The following SIK3 variants were observed in gnomAD, a reference collection of about 807,000 sequenced individuals.
SIK3 encodes the protein SIK family kinase 3, also known as serine/threonine-protein kinase SIK3.
In SIK3, 28 loss-of-function variants were observed where a neutral mutation model predicts 144.2. That is an observed-to-expected ratio of 0.19 (90% CI 0.14 to 0.27). The LOEUF is 0.27. Among genes scored for constraint, SIK3 ranks in the 10% least tolerant of loss-of-function variants. The probability of loss-of-function intolerance (pLI) is 1.00; values close to 1 mark genes in which losing one functional copy is unlikely to be tolerated. For missense variants in SIK3, 1,319 were observed against 1,776.0 expected, an observed-to-expected ratio of 0.74 and a Z score of 4.62; for synonymous variants, 686 against 676.3, an observed-to-expected ratio of 1.01 and a Z score of -0.22.
intron 1 of SIK3, among the ~76,000 whole-genome samples, chr11:117,055,765 A>G (rs564481492): frequency 6.6e-6 from 1 of 152,370 alleles, no homozygotes; most frequent in East Asian, 1.9e-4. Flanking sequence ...GACATCATTA[A>G]GTCATGAGGG....
At chr11:117,067,715 G>A (rs991525137) in intron 1 of SIK3, among the ~76,000 whole-genome samples, 4 of 152,144 alleles carry the variant, frequency 2.6e-5, no homozygotes, top group Admixed American at 6.5e-5. Context: ...GGCCAGGCAC[G>A]GTGGCTCATG....
chr11:117,015,726 T>G (rs1049659160), intron 1 of SIK3, among the ~76,000 whole-genome samples: 1 of 152,106 alleles, frequency 6.6e-6, no homozygotes, highest in Non-Finnish European at 1.5e-5. Context: ...TGTGCCACCA[T>G]GCCCAGCTAA....
chr11:116,883,632 T>C (rs1180225492), intron 6 of SIK3, among the ~76,000 whole-genome samples: 1 of 152,118 alleles, frequency 6.6e-6, no homozygotes, highest in Non-Finnish European at 1.5e-5. Flanking sequence ...AGACAAATGG[T>C]CCTCAAAATA....
At chr11:117,024,318 A>T (rs1384320414) in intron 1 of SIK3, among the ~76,000 whole-genome samples, 1 of 85,342 alleles carries the variant, frequency 1.2e-5, no homozygotes, top group Non-Finnish European at 2.1e-5. Flanking sequence ...CACAGTCTTT[A>T]AAAAAAAAAA....
chr11:117,096,761 G>A (rs1312321695), intron 1 of SIK3, among the ~76,000 whole-genome samples: 1 of 152,130 alleles, frequency 6.6e-6, no homozygotes. Context: ...GGTGGGGAAG[G>A]AACTTCAGGT....
At chr11:116,939,431 C>G (rs1000357086) in intron 3 of SIK3, among the ~76,000 whole-genome samples, 1 of 152,234 alleles carries the variant, frequency 6.6e-6, no homozygotes, top group African/African-American at 2.4e-5. Flanking sequence ...CAGGTGTGAG[C>G]CACCAAGCCC....
chr11:116,938,057 T>C (rs1460572716), intron 3 of SIK3, among the ~76,000 whole-genome samples: 2 of 151,552 alleles, frequency 1.3e-5, no homozygotes, highest in Non-Finnish European at 2.9e-5. Flanking sequence ...ATACAAAAAT[T>C]AGCTGGGCAT....
intron 6 of SIK3, among the ~76,000 whole-genome samples, chr11:116,884,343 C>T (rs1185082097): frequency 7.4e-6 from 1 of 135,982 alleles, no homozygotes; most frequent in African/African-American, 2.8e-5. Context: ...CACACCACCA[C>T]ATCTGGCTTT....
At chr11:116,999,883 T>C (rs1270191673) in intron 1 of SIK3, among the ~76,000 whole-genome samples, 2 of 152,230 alleles carry the variant, frequency 1.3e-5, no homozygotes, top group Non-Finnish European at 2.9e-5. Flanking sequence ...TGATACATTA[T>C]TGAGACATAC....
intron 1 of SIK3, among the ~76,000 whole-genome samples, chr11:116,994,815 C>T (rs938205902): frequency 1.1e-4 from 16 of 152,152 alleles, no homozygotes; most frequent in Non-Finnish European, 2.9e-5. Flanking sequence ...TTAATACCAA[C>T]CCCAAAACAA....
At chr11:116,969,289 C>CAAAAAAA (rs60102923) in intron 1 of SIK3, among the ~76,000 whole-genome samples, 2 of 73,574 alleles carry the variant, frequency 2.7e-5, no homozygotes, top group East Asian at 4.2e-4. Flanking sequence ...GACTCCGTCT[C>CAAAAAAA]AAAAAAAAAA....
intron 1 of SIK3, among the ~76,000 whole-genome samples, chr11:117,022,460 C>T (rs1951820034): frequency 6.6e-6 from 1 of 152,140 alleles, no homozygotes; most frequent in South Asian, 2.1e-4. Flanking sequence ...ATATTCTTTC[C>T]TTTGGTCTAC....
chr11:116,861,818 G>GCACAA, intron 18 of SIK3, 23 bp downstream of exon 18: 6 of 1,538,976 alleles, frequency 3.9e-6, no homozygotes, highest in Non-Finnish European at 5.4e-6. Context: ...AATGGCTTAG[G>GCACAA]CACAACACAA....
intron 1 of SIK3, among the ~76,000 whole-genome samples, 163 bp from the exon 2 acceptor site, chr11:116,957,227 T>A (rs572560537): frequency 5.9e-5 from 9 of 152,318 alleles, no homozygotes; most frequent in African/African-American, 2.2e-4. Flanking sequence ...TTTAAAAAGA[T>A]AGGAAATGGA....
rs188834315 is a variant in SIK3 at position 116,888,185 on chromosome 11, T to A, written c.865+8068A>T. Among the ~76,000 whole-genome samples the A allele has an allele frequency of 2.0e-4, 30 of 152,350 alleles. No individual in the cohort carries two copies. In the East Asian group the frequency reaches 3.9e-3, roughly 20 times the overall value. Reference sequence around the variant, plus strand: ...TGATCATTTAGAACACTATACCAGCTCTGCTGGAGTTTCTAGACCCTTCAG... The same window carrying A: ...TGATCATTTAGAACACTATACCAGCACTGCTGGAGTTTCTAGACCCTTCAG... On this transcript the variant is annotated intron_variant, in intron 6 of 24. Coordinates refer to ENST00000445177, the MANE Select transcript of SIK3 (RefSeq NM_001366686.3).
intron 21 of SIK3, among the ~76,000 whole-genome samples, chr11:116,854,334 C>T (rs1942699375): frequency 6.6e-6 from 1 of 152,236 alleles, no homozygotes; most frequent in Admixed American, 6.5e-5. Flanking sequence ...TGCACTCTAG[C>T]CTAGGTGACA....
intron 1 of SIK3, among the ~76,000 whole-genome samples, chr11:117,079,605 A>G (rs1272930535): frequency 3.3e-5 from 5 of 152,154 alleles, no homozygotes; most frequent in South Asian, 4.1e-4. Context: ...CTCATCCCCT[A>G]TCTCATTTGG....
chr11:116,897,743 C>A (rs991690494), intron 4 of SIK3, among the ~76,000 whole-genome samples: 1 of 152,088 alleles, frequency 6.6e-6, no homozygotes, highest in Non-Finnish European at 1.5e-5. Flanking sequence ...ATTAGCCGGG[C>A]GTGGTGGCGT....
chr11:116,972,457 C>T (rs1477415886), intron 1 of SIK3, among the ~76,000 whole-genome samples: 1 of 152,212 alleles, frequency 6.6e-6, no homozygotes, highest in Non-Finnish European at 1.5e-5. Flanking sequence ...TATCCTCCAA[C>T]TTCTTTCTTC....
Sources: allele counts gnomAD v4.1 joint callset (sites outside exome capture counted in the v4.1 genomes callset), GRCh38; gene constraint gnomAD v4.1.1; transcripts MANE v1.5; gene names NCBI Gene and HGNC (gene_info 2026-07-23, HGNC 2026-07-21).